Variants in PTPRT observed in about 807,000 individuals in gnomAD.
PTPRT encodes the protein protein tyrosine phosphatase receptor type T.
In PTPRT, 56 loss-of-function variants were observed where a neutral mutation model predicts 176.8. The observed-to-expected ratio is 0.32, with a 90% CI of 0.26 to 0.40. The LOEUF (loss-of-function observed/expected upper bound fraction) is 0.40, where lower values mean the gene tolerates loss of function less well. Among genes scored for constraint, PTPRT ranks in the 10% least tolerant of loss-of-function variants. PTPRT has a pLI of 1.00. For synonymous variants in PTPRT, 783 were observed against 739.0 expected (o/e 1.06, Z -0.96); for missense variants, 1,540 against 1,908.2 (o/e 0.81, Z 3.60).
chr20:42,992,456 A>G (rs1341039684), intron 1 of PTPRT, among the ~76,000 whole-genome samples: 1 of 152,246 alleles, frequency 6.6e-6, no homozygotes, highest in Non-Finnish European at 1.5e-5. Context: ...CTGGCCCAGG[A>G]AGCAAGGAAC....
intron 7 of PTPRT, among the ~76,000 whole-genome samples, chr20:42,629,101 A>C (rs759528005): frequency 1.1e-4 from 16 of 152,142 alleles, no homozygotes; most frequent in Non-Finnish European, 2.2e-4. Context: ...ATTTATGGTA[A>C]GAGGAACAGA....
At chr20:43,030,577 A>C (rs1196060356) in intron 1 of PTPRT, among the ~76,000 whole-genome samples, 1 of 152,114 alleles carries the variant, frequency 6.6e-6, no homozygotes, top group Non-Finnish European at 1.5e-5. Context: ...GGAACTTAGG[A>C]TGGACAGATG....
At chr20:42,701,463 T>G (rs576892800) in intron 6 of PTPRT, among the ~76,000 whole-genome samples, 14 of 152,296 alleles carry the variant, frequency 9.2e-5, no homozygotes, top group African/African-American at 3.1e-4. Flanking sequence ...AATTTCAGGC[T>G]CAGAGACTCT....
chr20:42,619,992 G>T (rs1338726368), intron 7 of PTPRT, among the ~76,000 whole-genome samples: 2 of 149,866 alleles, frequency 1.3e-5, no homozygotes, highest in African/African-American at 2.5e-5. Flanking sequence ...GAGGAACTGC[G>T]TTCCTTTGGA....
intron 13 of PTPRT, among the ~76,000 whole-genome samples, chr20:42,255,019 C>A (rs1334158003): frequency 6.6e-6 from 1 of 152,138 alleles, no homozygotes; most frequent in Non-Finnish European, 1.5e-5. Flanking sequence ...CCTGACCCTC[C>A]CCATGTTACC....
chr20:42,983,187 GACCCTTAA>G (rs1157695108), intron 1 of PTPRT, among the ~76,000 whole-genome samples: 1 of 152,206 alleles, frequency 6.6e-6, no homozygotes, highest in Admixed American at 6.5e-5. Context: ...CCCCAAAAGA[GACCCTTAA>G]ACATCTCCTC....
At position 42,386,750 on chromosome 20, in the gene PTPRT, A is replaced by C. The variant is rs890668267; in HGVS notation, c.1561-34465T>G. 3.3e-5 allele frequency among the ~76,000 whole-genome samples: 5 copies of C among 152,200 alleles called. No homozygotes were observed. In the South Asian group the frequency reaches 6.2e-4, roughly 19 times the overall value. ...GTGGTGGACGCCTGTAATCCCAGCT[A>C]TTTGGGAGGCTGAGGCAAAGAATTG... On this transcript the variant is annotated intron_variant, in intron 9 of 30. Coordinates refer to ENST00000373187, the MANE Select transcript of PTPRT (RefSeq NM_007050.6).
Position 42,917,143 on chromosome 20 carries a change from G to A in PTPRT, c.89-31211C>T, listed in dbSNP as rs867876034. Among the ~76,000 whole-genome samples, 311 of 152,098 alleles carry A rather than the reference G, an allele frequency of 2.0e-3. 1 individual carries two copies. Among genetic ancestry groups the A allele is most frequent in the African/African-American group, 7.1e-3 (292 of 41,398 alleles). Reference sequence around the variant, plus strand: ...CATCTTGAATTAATTTTTGTATAAGGTGTAAGGAAGGGATCCAGTTTCAGC... The same window carrying A: ...CATCTTGAATTAATTTTTGTATAAGATGTAAGGAAGGGATCCAGTTTCAGC... On this transcript the variant is annotated intron_variant, in intron 1 of 30. Coordinates refer to ENST00000373187, the MANE Select transcript of PTPRT (RefSeq NM_007050.6).
At chr20:42,098,348 TC>T in intron 27 of PTPRT, 72 bp downstream of exon 27, 1 of 1,582,438 alleles carries the variant, frequency 6.3e-7, no homozygotes, top group Non-Finnish European at 8.6e-7. Flanking sequence ...GCACCGGCTG[TC>T]AAGGGATCTC....
At chr20:42,038,268 C>T in the PTPRT span, among the ~76,000 whole-genome samples, 2 of 152,154 alleles carry the variant, frequency 1.3e-5, no homozygotes, top group African/African-American at 4.8e-5. Flanking sequence ...AAGTGGCTCC[C>T]TCAAGGTGAC....
chr20:42,529,676 T>C (rs1049601366), intron 7 of PTPRT, among the ~76,000 whole-genome samples: 2 of 151,700 alleles, frequency 1.3e-5, no homozygotes, highest in Non-Finnish European at 2.9e-5. Flanking sequence ...TTAGTAGAGA[T>C]GAGGTTTTTC....
chr20:43,140,537 T>C (rs895272872), intron 1 of PTPRT, among the ~76,000 whole-genome samples: 2 of 151,880 alleles, frequency 1.3e-5, no homozygotes, highest in African/African-American at 4.8e-5. Flanking sequence ...TGTGTGTGCA[T>C]GTAGTGTAAA....
At chr20:42,203,995 G>A (rs2055387701) in intron 15 of PTPRT, among the ~76,000 whole-genome samples, 2 of 152,170 alleles carry the variant, frequency 1.3e-5, no homozygotes, top group African/African-American at 4.8e-5. Context: ...CTGGCACATG[G>A]CTCAATAAAC....
chr20:42,792,233 C>A (rs1464549907), intron 2 of PTPRT, among the ~76,000 whole-genome samples: 2 of 152,172 alleles, frequency 1.3e-5, no homozygotes, highest in South Asian at 4.1e-4. Context: ...CCTAGATCAG[C>A]CAATCTACAA....
At chr20:42,535,563 C>G (rs555666140) in intron 7 of PTPRT, among the ~76,000 whole-genome samples, 1 of 152,310 alleles carries the variant, frequency 6.6e-6, no homozygotes, top group East Asian at 1.9e-4. Flanking sequence ...TACTTCTAGA[C>G]AGCTAGCTAT....
At chr20:42,091,149 C>T (rs1001642864) in intron 27 of PTPRT, among the ~76,000 whole-genome samples, 5 of 152,194 alleles carry the variant, frequency 3.3e-5, no homozygotes, top group African/African-American at 9.6e-5. Flanking sequence ...TTTGTCAGAA[C>T]AAGTTAAACC....
At chr20:42,280,866 A>G (rs757580707) in intron 13 of PTPRT, among the ~76,000 whole-genome samples, 5 of 152,034 alleles carry the variant, frequency 3.3e-5, no homozygotes, top group Non-Finnish European at 7.4e-5. Context: ...TCATGTTTCC[A>G]ATTCTCAGTT....
At chr20:42,697,982 G>A (rs4812632) in intron 6 of PTPRT, among the ~76,000 whole-genome samples, 55,132 of 152,040 alleles carry the variant, frequency 0.36, 10,967 homozygotes, top group African/African-American at 0.53. Context: ...CAATTTTCCC[G>A]AAGTATTAAC....
chr20:42,638,696 G>A (rs1245094902), intron 7 of PTPRT, among the ~76,000 whole-genome samples: 1 of 152,068 alleles, frequency 6.6e-6, no homozygotes, highest in Non-Finnish European at 1.5e-5. Flanking sequence ...CACCGAACCA[G>A]TAAAATTTCT....
Sources: gnomAD v4.1 joint callset for allele counts (sites outside exome capture counted in the v4.1 genomes callset) on GRCh38, gnomAD v4.1.1 for gene constraint, MANE v1.5 for transcripts, NCBI Gene and HGNC (gene_info 2026-07-23, HGNC 2026-07-21) for gene names.